Variants in FAM135B observed in about 807,000 individuals in gnomAD.
FAM135B encodes the protein family with sequence similarity 135 member B.
FAM135B carries 43 observed loss-of-function variants against 127.7 expected under a neutral mutation model. The observed-to-expected ratio is 0.34, with a 90% CI of 0.26 to 0.43. The LOEUF is 0.43. Among genes scored for constraint, FAM135B ranks in the 20% least tolerant of loss-of-function variants. The probability of loss-of-function intolerance (pLI) is 1.00; values close to 1 mark genes in which losing one functional copy is unlikely to be tolerated. For missense variants in FAM135B, 1,558 were observed against 1,725.6 expected, an observed-to-expected ratio of 0.90 and a Z score of 1.72; for synonymous variants, 670 against 665.1, an observed-to-expected ratio of 1.01 and a Z score of -0.11.
intron 7 of FAM135B, among the ~76,000 whole-genome samples, chr8:138,207,630 T>C (rs1420690676): frequency 6.6e-6 from 1 of 152,128 alleles, no homozygotes; most frequent in Non-Finnish European, 1.5e-5. Context: ...CTAGAGCCAA[T>C]GGATGGATGT....
At chr8:138,335,312 G>T (rs1376613634) in intron 2 of FAM135B, among the ~76,000 whole-genome samples, 1 of 152,048 alleles carries the variant, frequency 6.6e-6, no homozygotes, top group African/African-American at 2.4e-5. Context: ...CATTCTTCTC[G>T]CCCAGCACCC....
chr8:138,197,752 C>T (rs1235156653), intron 7 of FAM135B, 83 bp from the exon 8 acceptor site: 2 of 1,430,680 alleles, frequency 1.4e-6, no homozygotes, highest in South Asian at 1.3e-5. Context: ...CATCCACCCG[C>T]ACCAACATTC....
At chr8:138,192,676 A>G (rs1206232865) in intron 9 of FAM135B, among the ~76,000 whole-genome samples, 1 of 152,118 alleles carries the variant, frequency 6.6e-6, no homozygotes, top group East Asian at 1.9e-4. Context: ...AACCCAACCA[A>G]TCAGCACTCC....
intron 1 of FAM135B, among the ~76,000 whole-genome samples, chr8:138,421,096 G>A (rs1453210023): frequency 6.6e-6 from 1 of 152,212 alleles, no homozygotes; most frequent in Non-Finnish European, 1.5e-5. Context: ...CAGATCATGA[G>A]GTCAGGAGAT....
chr8:138,225,485 AAAAC>A (rs1237003701), intron 7 of FAM135B, among the ~76,000 whole-genome samples: 1 of 152,084 alleles, frequency 6.6e-6, no homozygotes, highest in Non-Finnish European at 1.5e-5. Flanking sequence ...AAAAAAAACA[AAAAC>A]AAAGAAGAAA....
rs77975918 is a variant in FAM135B at position 138,178,480 on chromosome 8, C to T, written c.1029+55G>A. ...CTTGATCTAATTCTCATAAAGGTTC[C>T]TCCAAAGAAATCAAATGCATGTGAT... On this transcript the variant is annotated intron_variant, in intron 10 of 19. Coordinates refer to ENST00000395297, the MANE Select transcript of FAM135B (RefSeq NM_015912.4). 2,456 of 1,598,142 alleles carry T rather than the reference C, an allele frequency of 1.5e-3. 31 individuals are homozygous for T. The African/African-American group carries it at 0.028, about 18-fold the overall frequency.
At chr8:138,164,339 C>T (rs1026410143) in intron 12 of FAM135B, among the ~76,000 whole-genome samples, 1 of 152,190 alleles carries the variant, frequency 6.6e-6, no homozygotes, top group African/African-American at 2.4e-5. Flanking sequence ...CTGAGAGTGA[C>T]TGCCTTTGTT....
intron 2 of FAM135B, among the ~76,000 whole-genome samples, chr8:138,346,780 A>C (rs1042171320): frequency 6.6e-6 from 1 of 152,244 alleles, no homozygotes. Flanking sequence ...ACATTTACCT[A>C]TGTAACAAAG....
In FAM135B at chr8:138,198,630, A is replaced by G. The variant is rs139992614; in HGVS notation, c.670-961T>C. The stretch of plus-strand genomic sequence containing the variant: ...CTGCATGTGAGCATGCAGTGTCAGA[A>G]CACTGTACATTATATTTTGTTTGTA... On this transcript the variant is annotated intron_variant, in intron 7 of 19. Transcript: ENST00000395297. Among the ~76,000 whole-genome samples the G allele has an allele frequency of 2.9e-3, 439 of 152,344 alleles. 1 individual carries two copies. The highest frequency in any genetic ancestry group is 0.01 in the African/African-American group (417 of 41,576).
At chr8:138,475,549 G>C (rs1255141851) in intron 1 of FAM135B, among the ~76,000 whole-genome samples, 1 of 152,112 alleles carries the variant, frequency 6.6e-6, no homozygotes, top group African/African-American at 2.4e-5. Flanking sequence ...CTCAGAGTCA[G>C]CCAAGATTCA....
chr8:138,328,231 C>T (rs184850293), intron 2 of FAM135B, among the ~76,000 whole-genome samples: 14 of 152,240 alleles, frequency 9.2e-5, no homozygotes, highest in Admixed American at 3.9e-4. Flanking sequence ...CTGACTTATT[C>T]AGGTTTCACC....
chr8:138,393,325 C>CA (rs1460722543), intron 1 of FAM135B, among the ~76,000 whole-genome samples: 1 of 151,884 alleles, frequency 6.6e-6, no homozygotes, highest in Non-Finnish European at 1.5e-5. Flanking sequence ...GTGACAATTT[C>CA]AAAAAAATTC....
At chr8:138,334,784 A>C (rs544373451) in intron 2 of FAM135B, among the ~76,000 whole-genome samples, 14 of 152,206 alleles carry the variant, frequency 9.2e-5, no homozygotes, top group Non-Finnish European at 1.8e-4. Context: ...TTCTTTATCC[A>C]ATCTACCATT....
chr8:138,247,478 G>T (rs1415053627), intron 6 of FAM135B, among the ~76,000 whole-genome samples: 1 of 152,134 alleles, frequency 6.6e-6, no homozygotes, highest in Admixed American at 6.5e-5. Flanking sequence ...TTTGATGCTG[G>T]CATGTGAAGA....
intron 3 of FAM135B, among the ~76,000 whole-genome samples, chr8:138,281,734 T>A (rs1447541715): frequency 6.6e-6 from 1 of 152,168 alleles, no homozygotes; most frequent in East Asian, 1.9e-4. Flanking sequence ...TCACTTTCTA[T>A]CCCCATTAGG....
intron 3 of FAM135B, among the ~76,000 whole-genome samples, chr8:138,266,825 C>T (rs557226465): frequency 1.6e-4 from 23 of 146,608 alleles, no homozygotes; most frequent in African/African-American, 5.1e-4. Flanking sequence ...CATACATATG[C>T]GTATATATAC....
Position 138,148,697 on chromosome 8 carries a change from C to T in FAM135B, c.3282-11G>A, listed in dbSNP as rs544839888. 2.6e-5 allele frequency: 42 copies of T among 1,590,882 alleles called. No homozygotes were observed. In the South Asian group the frequency reaches 4.2e-4, roughly 16 times the overall value. On this transcript the variant is annotated splice_polypyrimidine_tract_variant and intron_variant, in intron 13 of 19. Transcript: ENST00000395297. ...TTGGCCTGATAAAAACTGGAGAATACACTAATTAATCACAAGCCAAGCTGT... is the reference window on the plus strand; with the variant it reads ...TTGGCCTGATAAAAACTGGAGAATATACTAATTAATCACAAGCCAAGCTGT...
intron 2 of FAM135B, among the ~76,000 whole-genome samples, chr8:138,325,179 A>G (rs1424352119): frequency 6.6e-6 from 1 of 152,192 alleles, no homozygotes; most frequent in Admixed American, 6.5e-5. Flanking sequence ...GCTATAAATG[A>G]AAACACTGAG....
chr8:138,344,577 C>CTTTTTTTTTTTTTTTT lies in FAM135B; in HGVS notation c.77+23314_77+23329dup, dbSNP rs869039075. ...GTCTCTTGCTACACTTTCTTTCTTT[C>CTTTTTTTTTTTTTTTT]TTTTTTTTTTTTTTTTGTTAAGGAG... On this transcript the variant is annotated intron_variant, in intron 2 of 19. Transcript: ENST00000395297. Among the ~76,000 whole-genome samples the CTTTTTTTTTTTTTTTT allele has an allele frequency of 1.1e-4, 9 of 83,934 alleles. 1 individual carries two copies. Among genetic ancestry groups the CTTTTTTTTTTTTTTTT allele is most frequent in the Non-Finnish European group, 1.4e-4 (5 of 36,394 alleles). 55.1% of individuals were successfully genotyped at this position (83,934 alleles called of 152,430 possible).
Sources: gnomAD v4.1 joint callset for allele counts (sites outside exome capture counted in the v4.1 genomes callset) on GRCh38, gnomAD v4.1.1 for gene constraint, MANE v1.5 for transcripts, NCBI Gene and HGNC (gene_info 2026-07-23, HGNC 2026-07-21) for gene names.